The following BRINP1 variants were observed in gnomAD, a reference collection of about 807,000 sequenced individuals.
BRINP1 encodes BMP/retinoic acid-inducible neural-specific protein 1.
A neutral mutation model predicts 72.9 loss-of-function variants in BRINP1; 17 were observed. That is an observed-to-expected ratio of 0.23 (90% confidence interval 0.16 to 0.35). The LOEUF is 0.35. Ranked by LOEUF, BRINP1 falls within the 10% of genes least tolerant of loss-of-function variation. The pLI is 1.00. For synonymous variants in BRINP1, 418 were observed against 378.5 expected, an observed-to-expected ratio of 1.10 and a Z score of -1.21; for missense variants, 850 against 1,001.6, an observed-to-expected ratio of 0.85 and a Z score of 2.04.
At chr9:119,206,033 T>C (rs1484624556) in intron 7 of BRINP1, among the ~76,000 whole-genome samples, 1 of 152,162 alleles carries the variant, frequency 6.6e-6, no homozygotes, top group Non-Finnish European at 1.5e-5. Context: ...TGTGACTGTG[T>C]TTGGAGACAG....
chr9:119,266,191 G>T (rs1830546335), intron 2 of BRINP1, among the ~76,000 whole-genome samples: 2 of 152,142 alleles, frequency 1.3e-5, no homozygotes, highest in Non-Finnish European at 1.5e-5. Context: ...TACAACCAGA[G>T]GGAGACTTAG....
chr9:119,313,838 C>T (rs1247419801), intron 1 of BRINP1, among the ~76,000 whole-genome samples: 3 of 152,164 alleles, frequency 2.0e-5, no homozygotes, highest in African/African-American at 4.8e-5. Context: ...GACATAGGGA[C>T]ACAATTCAAG....
chr9:119,254,212 G>A (rs1830423200), intron 2 of BRINP1, among the ~76,000 whole-genome samples: 1 of 152,138 alleles, frequency 6.6e-6, no homozygotes, highest in African/African-American at 2.4e-5. Flanking sequence ...TGGTGACAGT[G>A]GACAGATAAC....
chr9:119,232,781 T>G (rs1830159988), intron 5 of BRINP1, among the ~76,000 whole-genome samples: 1 of 152,098 alleles, frequency 6.6e-6, no homozygotes, highest in Admixed American at 6.6e-5. Context: ...AGGGAGCTAC[T>G]GAGGCACAGC....
chr9:119,167,700 T>G lies in BRINP1; in HGVS notation c.1670A>C (p.Asp557Ala). ...RICQMRNSSL[D>A]PMFFVYVNPF... ...GTTGACATAGACAAAGAACATGGGG[T>G]CCAGGCTGCTGTTGCGCATCTGGCA... Residue 557 changes from aspartate to alanine, a missense_variant, in exon 8 of 8, where the codon GAC becomes GCC. Transcript: ENST00000265922. This position sits in a 1 kb window ranked among gnomAD's most constrained non-coding sequence, Gnocchi z 4.3. The G allele has an allele frequency of 1.2e-6, 2 of 1,614,000 alleles. No individual in the cohort carries two copies.
chr9:119,315,712 C>T (rs1427884322), intron 1 of BRINP1, among the ~76,000 whole-genome samples: 6 of 152,146 alleles, frequency 3.9e-5, no homozygotes, highest in African/African-American at 1.4e-4. Context: ...AAGGAAAAGT[C>T]CTTTAAGGAA....
At chr9:119,203,344 G>T (rs1404159171) in intron 7 of BRINP1, among the ~76,000 whole-genome samples, 1 of 152,148 alleles carries the variant, frequency 6.6e-6, no homozygotes, top group African/African-American at 2.4e-5. Flanking sequence ...TGATCCAAGA[G>T]CATCTACTTC....
In BRINP1 at chr9:119,337,825, T is replaced by C. The variant is rs117247156; in HGVS notation, c.-50-24420A>G. ...CTGATGACATCAGCCCCTTCTCAAA[T>C]CCTATAGCTTGGAGGGAATATAAGT... is the stretch of plus-strand genomic sequence containing the variant. On this transcript the variant is annotated intron_variant, in intron 1 of 7. Coordinates refer to ENST00000265922, the MANE Select transcript of BRINP1 (RefSeq NM_014618.3). 2.2e-3 allele frequency among the ~76,000 whole-genome samples: 338 copies of C among 152,292 alleles called. 4 individuals carry two copies. The East Asian group carries it at 0.033, about 15-fold the overall frequency.
intron 2 of BRINP1, among the ~76,000 whole-genome samples, chr9:119,259,892 T>G (rs1480497593): frequency 1.3e-5 from 2 of 152,112 alleles, no homozygotes; most frequent in African/African-American, 4.8e-5. Flanking sequence ...AGAAGAAAAA[T>G]GAACAACTTT....
chr9:119,279,992 T>A (rs750072194), intron 2 of BRINP1, among the ~76,000 whole-genome samples: 3 of 152,064 alleles, frequency 2.0e-5, no homozygotes, highest in Admixed American at 6.5e-5. Context: ...AAATGCTATA[T>A]GTACAAAAAG....
chr9:119,365,762 G>A (rs1052880056), intron 1 of BRINP1, among the ~76,000 whole-genome samples: 2 of 152,080 alleles, frequency 1.3e-5, no homozygotes, highest in African/African-American at 4.8e-5. Context: ...CCTGAGCTGG[G>A]TCGTCTAAAC....
chr9:119,217,071 T>A (rs896767065), intron 5 of BRINP1, among the ~76,000 whole-genome samples: 8 of 152,182 alleles, frequency 5.3e-5, no homozygotes, highest in African/African-American at 1.9e-4. Context: ...TGTTTAAAGT[T>A]ACATAACCAT....
intron 1 of BRINP1, among the ~76,000 whole-genome samples, chr9:119,334,831 G>A (rs1053579847): frequency 2.6e-5 from 4 of 152,094 alleles, no homozygotes; most frequent in Admixed American, 1.3e-4. Context: ...ATCTTGGCTC[G>A]CCTTGGATGA....
At chr9:119,304,614 G>A (rs1830975608) in intron 2 of BRINP1, among the ~76,000 whole-genome samples, 2 of 152,194 alleles carry the variant, frequency 1.3e-5, no homozygotes, top group Admixed American at 6.5e-5. Context: ...GACATACAAA[G>A]GTATCCAGTA....
rs188872206 is a variant in BRINP1 at position 119,315,572 on chromosome 9, C to A, written c.-50-2167G>T. On this transcript the variant is annotated intron_variant, in intron 1 of 7. Coordinates refer to ENST00000265922, the MANE Select transcript of BRINP1 (RefSeq NM_014618.3). ...AAGCCAATTAGTAAACCTACAATGA[C>A]CTATAATTGTTTAAGTGAAAGGAGG... Among the ~76,000 whole-genome samples, 30 of 152,070 alleles carry A rather than the reference C, an allele frequency of 2.0e-4. No individual in the cohort carries two copies. In the East Asian group the frequency reaches 5.6e-3, roughly 28 times the overall value.
chr9:119,368,402 TAGC>T lies in BRINP1; in HGVS notation c.-51+651_-51+653del, dbSNP rs1831717986. ...TCATATTAAGCTGTGGGTCCCAGTG[TAGC>T]AGGATTCCACCGTTTGGAGGAATTT... is the stretch of plus-strand genomic sequence containing the variant. On this transcript the variant is annotated intron_variant, in intron 1 of 7. Transcript: ENST00000265922. The surrounding 1 kb of genome is among the most constrained non-coding windows in gnomAD (Gnocchi z 4.7). 6.6e-6 allele frequency among the ~76,000 whole-genome samples: 1 copy of T among 152,076 alleles called. No individual in the cohort carries two copies. Among genetic ancestry groups the T allele is most frequent in the Admixed American group, 6.6e-5 (1 of 15,262 alleles).
intron 7 of BRINP1, among the ~76,000 whole-genome samples, chr9:119,200,359 G>C (rs967372525): frequency 9.2e-5 from 14 of 152,160 alleles, no homozygotes; most frequent in Admixed American, 4.6e-4. Flanking sequence ...CAGTAGCTCA[G>C]GTCTGTAATC....
At chr9:119,343,385 C>A (rs925920972) in intron 1 of BRINP1, among the ~76,000 whole-genome samples, 1 of 152,172 alleles carries the variant, frequency 6.6e-6, no homozygotes, top group African/African-American at 2.4e-5. Flanking sequence ...AACTTAACAA[C>A]TGCTCCATTC....
intron 1 of BRINP1, among the ~76,000 whole-genome samples, chr9:119,322,007 C>G (rs546414802): frequency 6.6e-6 from 1 of 152,282 alleles, no homozygotes; most frequent in Non-Finnish European, 1.5e-5. Context: ...CTTACTCTCC[C>G]TTAGAGCCAT....
Sources: allele counts gnomAD v4.1 joint callset (sites outside exome capture counted in the v4.1 genomes callset), GRCh38; gene constraint gnomAD v4.1.1; non-coding constraint Gnocchi (gnomAD v3.1); transcripts MANE v1.5; gene names NCBI Gene and HGNC (gene_info 2026-07-23, HGNC 2026-07-21).